Variants in DLG2 observed in about 807,000 individuals in gnomAD.
DLG2 encodes the protein disks large homolog 2.
In DLG2, 45 loss-of-function variants were observed where a neutral mutation model predicts 132.5. That is an observed-to-expected ratio of 0.34 (90% CI 0.27 to 0.44). DLG2 has a LOEUF of 0.44. Ranked by LOEUF, DLG2 falls within the 20% of genes least tolerant of loss-of-function variation. The pLI is 1.00. For missense variants in DLG2, 1,045 were observed against 1,196.9 expected, an observed-to-expected ratio of 0.87 and a Z score of 1.87; for synonymous variants, 424 against 419.6, an observed-to-expected ratio of 1.01 and a Z score of -0.13.
intron 6 of DLG2, among the ~76,000 whole-genome samples, chr11:84,592,191 G>A (rs2099544966): frequency 6.6e-6 from 1 of 152,164 alleles, no homozygotes; most frequent in South Asian, 2.1e-4. Context: ...CCGGTTGGTT[G>A]CTAAGTGTAA....
chr11:85,407,778 T>C (rs1231253807), intron 3 of DLG2, among the ~76,000 whole-genome samples: 1 of 151,872 alleles, frequency 6.6e-6, no homozygotes, highest in African/African-American at 2.4e-5. Context: ...ATAATACTTA[T>C]ACTCCAAGTT....
chr11:84,291,305 G>C (rs915529933), intron 7 of DLG2, among the ~76,000 whole-genome samples: 1 of 152,158 alleles, frequency 6.6e-6, no homozygotes, highest in Middle Eastern at 3.4e-3. Flanking sequence ...AATAAGGTTA[G>C]GTAGACAAAA....
At chr11:84,547,579 C>G (rs1000785681) in intron 6 of DLG2, among the ~76,000 whole-genome samples, 1 of 152,112 alleles carries the variant, frequency 6.6e-6, no homozygotes, top group African/African-American at 2.4e-5. Flanking sequence ...CATAACTTTC[C>G]CAACTCTTTT....
chr11:83,876,654 G>A (rs1007560920), intron 15 of DLG2, among the ~76,000 whole-genome samples: 1 of 151,968 alleles, frequency 6.6e-6, no homozygotes, highest in African/African-American at 2.4e-5. Context: ...AAAACATATA[G>A]AATTTAAAAT....
At chr11:84,980,552 G>C (rs973380032) in intron 6 of DLG2, among the ~76,000 whole-genome samples, 1 of 152,024 alleles carries the variant, frequency 6.6e-6, no homozygotes, top group African/African-American at 2.4e-5. Context: ...CCTGGAACTA[G>C]GACCTTCCTA....
intron 20 of DLG2, among the ~76,000 whole-genome samples, chr11:83,534,670 C>G (rs1273034539): frequency 6.6e-6 from 1 of 152,208 alleles, no homozygotes; most frequent in Admixed American, 6.5e-5. Flanking sequence ...TGCGGTGGCT[C>G]ACGCCTGTAA....
chr11:84,954,884 A>T (rs2051434850), intron 6 of DLG2, among the ~76,000 whole-genome samples: 1 of 152,144 alleles, frequency 6.6e-6, no homozygotes, highest in African/African-American at 2.4e-5. Flanking sequence ...ATAAAAATGT[A>T]TTAGTTTATA....
At chr11:85,269,282 G>C (rs1295868724) in intron 4 of DLG2, among the ~76,000 whole-genome samples, 1 of 152,162 alleles carries the variant, frequency 6.6e-6, no homozygotes, top group Non-Finnish European at 1.5e-5. Flanking sequence ...TTGGATCTTG[G>C]CCCATCAGAA....
intron 19 of DLG2, among the ~76,000 whole-genome samples, chr11:83,588,660 G>T (rs2097135065): frequency 6.6e-6 from 1 of 151,536 alleles, no homozygotes; most frequent in Non-Finnish European, 1.5e-5. Context: ...GACGAGCTGA[G>T]AGAAGAAGGC....
At chr11:84,825,617 G>A (rs1310781127) in intron 6 of DLG2, among the ~76,000 whole-genome samples, 1 of 151,838 alleles carries the variant, frequency 6.6e-6, no homozygotes, top group African/African-American at 2.4e-5. Context: ...ATTACTGAGG[G>A]CAACCATCTC....
chr11:85,097,179 C>T (rs2069977259), intron 6 of DLG2, among the ~76,000 whole-genome samples: 1 of 152,172 alleles, frequency 6.6e-6, no homozygotes, highest in Non-Finnish European at 1.5e-5. Context: ...AAACCACTTC[C>T]TGTCTCTGGT....
chr11:84,994,249 G>A (rs2057418588), intron 6 of DLG2, among the ~76,000 whole-genome samples: 1 of 152,056 alleles, frequency 6.6e-6, no homozygotes, highest in Non-Finnish European at 1.5e-5. Flanking sequence ...CATCTCTACT[G>A]TTTCCTCATG....
At chr11:85,386,705 A>G (rs7939033) in intron 3 of DLG2, among the ~76,000 whole-genome samples, 6,162 of 151,920 alleles carry the variant, frequency 0.041, 396 homozygotes, top group African/African-American at 0.14. Flanking sequence ...CCTTTAAAAG[A>G]AAGGAGCTTA....
intron 8 of DLG2, among the ~76,000 whole-genome samples, chr11:84,193,882 T>C (rs2096462750): frequency 6.6e-6 from 1 of 152,212 alleles, no homozygotes; most frequent in African/African-American, 2.4e-5. Context: ...CAAGGGGTGT[T>C]GTTGTTTCAC....
chr11:84,727,259 G>T (rs2062593618), intron 6 of DLG2, among the ~76,000 whole-genome samples: 1 of 152,082 alleles, frequency 6.6e-6, no homozygotes, highest in African/African-American at 2.4e-5. Context: ...CCCATCTTGA[G>T]TTGATTTTTG....
intron 6 of DLG2, among the ~76,000 whole-genome samples, chr11:84,869,812 T>G (rs1263850246): frequency 1.3e-5 from 2 of 152,220 alleles, no homozygotes; most frequent in African/African-American, 4.8e-5. Context: ...TGGTTGGTAA[T>G]AAACCTAAAT....
intron 3 of DLG2, among the ~76,000 whole-genome samples, chr11:85,289,360 T>TCC (rs1276017892): frequency 6.6e-6 from 1 of 152,098 alleles, no homozygotes; most frequent in East Asian, 1.9e-4. Flanking sequence ...TAGGCCCAGA[T>TCC]CCCCCTTCCC....
At chr11:84,704,872 C>CACATATATATACACATTATGTATATAT (rs2059617039) in intron 6 of DLG2, among the ~76,000 whole-genome samples, 1 of 149,550 alleles carries the variant, frequency 6.7e-6, no homozygotes, top group African/African-American at 2.4e-5. Flanking sequence ...CACACACACA[C>CACATATATATACACATTATGTATATAT]ACATATATAT....
At chr11:83,811,432 A>G (rs1255888881) in intron 17 of DLG2, among the ~76,000 whole-genome samples, 2 of 152,088 alleles carry the variant, frequency 1.3e-5, no homozygotes, top group Admixed American at 1.3e-4. Context: ...GCAACTTCAT[A>G]TGGTTCAGCC....
Sources: gnomAD v4.1 joint callset for allele counts (sites outside exome capture counted in the v4.1 genomes callset) on GRCh38, gnomAD v4.1.1 for gene constraint, MANE v1.5 for transcripts, NCBI Gene and HGNC (gene_info 2026-07-23, HGNC 2026-07-21) for gene names.